Variants in L2HGDH observed in about 807,000 individuals in gnomAD.
L2HGDH encodes the protein L-2-hydroxyglutarate dehydrogenase, also known as L-2-hydroxyglutarate dehydrogenase, mitochondrial.
In L2HGDH, 34 loss-of-function variants were observed where a neutral mutation model predicts 51.5. The observed-to-expected ratio is 0.66, with a 90% CI of 0.50 to 0.88. The LOEUF (loss-of-function observed/expected upper bound fraction) is 0.88, where lower values mean the gene tolerates loss of function less well. Ranked by LOEUF, L2HGDH falls within the 40% of genes least tolerant of loss-of-function variation. L2HGDH has a pLI of 0.00. For synonymous variants in L2HGDH, 198 were observed against 197.9 expected, an observed-to-expected ratio of 1.00 and a Z score of -0.01; for missense variants, 558 against 571.9, an observed-to-expected ratio of 0.98 and a Z score of 0.25.
chr14:50,284,293 GT>G (rs1890442657), intron 4 of L2HGDH, among the ~76,000 whole-genome samples: 1 of 152,148 alleles, frequency 6.6e-6, no homozygotes, highest in African/African-American at 2.4e-5. Context: ...ATTTTTCCCA[GT>G]AGTATATACT....
At chr14:50,268,651 T>C (rs939232766) in intron 7 of L2HGDH, among the ~76,000 whole-genome samples, 4 of 152,170 alleles carry the variant, frequency 2.6e-5, no homozygotes, top group African/African-American at 9.7e-5. Flanking sequence ...AAATATCAAA[T>C]AGCCGAATAC....
intron 1 of L2HGDH, among the ~76,000 whole-genome samples, chr14:50,304,403 T>C (rs182513594): frequency 2.6e-5 from 4 of 152,326 alleles, no homozygotes; most frequent in Admixed American, 2.0e-4. Flanking sequence ...CTTTAACACT[T>C]TAGTGTGCAA....
At chr14:50,303,930 C>T (rs578237434) in intron 1 of L2HGDH, among the ~76,000 whole-genome samples, 20 of 151,732 alleles carry the variant, frequency 1.3e-4, no homozygotes, top group Admixed American at 1.2e-3. Flanking sequence ...CTCCATAGCA[C>T]GGCAGCCAGG....
At chr14:50,247,587 T>C (rs1888079911) in intron 9 of L2HGDH, among the ~76,000 whole-genome samples, 1 of 152,230 alleles carries the variant, frequency 6.6e-6, no homozygotes, top group African/African-American at 2.4e-5. Context: ...TTTATTTAAA[T>C]TTATAGAATG....
chr14:50,247,783 T>C (rs1209347018), intron 9 of L2HGDH, among the ~76,000 whole-genome samples: 1 of 152,238 alleles, frequency 6.6e-6, no homozygotes, highest in Non-Finnish European at 1.5e-5. Flanking sequence ...GTTCTTGTTT[T>C]GCAGTTTGTT....
At chr14:50,267,943 T>C in intron 7 of L2HGDH, 33 bp from the exon 8 acceptor site, 1 of 1,598,026 alleles carries the variant, frequency 6.3e-7, no homozygotes, top group Non-Finnish European at 8.6e-7. Context: ...AACAGCCTCA[T>C]TTCACATTCC....
intron 4 of L2HGDH, among the ~76,000 whole-genome samples, chr14:50,293,016 ACT>A (rs2029868094): frequency 1.3e-5 from 2 of 151,948 alleles, no homozygotes; most frequent in African/African-American, 4.8e-5. Flanking sequence ...ATATGGTGAG[ACT>A]CTGTCTCTTC....
intron 3 of L2HGDH, among the ~76,000 whole-genome samples, chr14:50,298,568 C>T (rs2139204262): frequency 6.6e-6 from 1 of 152,246 alleles, no homozygotes; most frequent in South Asian, 2.1e-4. Flanking sequence ...CCCGCCTCAG[C>T]CTCCCAAAGT....
intron 6 of L2HGDH, among the ~76,000 whole-genome samples, chr14:50,274,565 A>T (rs1889871963): frequency 6.6e-6 from 1 of 152,214 alleles, no homozygotes; most frequent in African/African-American, 2.4e-5. Flanking sequence ...AATTAAAAAT[A>T]GAACTACCAT....
In L2HGDH at chr14:50,302,012, C is replaced by T. The variant is rs936048949; in HGVS notation, c.408+5G>A. 1 of 1,613,850 alleles carries T rather than the reference C, an allele frequency of 6.2e-7. No homozygotes were observed. Among genetic ancestry groups the T allele is most frequent in the African/African-American group, 1.3e-5 (1 of 74,870 alleles). The stretch of plus-strand genomic sequence containing the variant: ...ATTAGTCAAGGCTCTAATAAAATGC[C>T]ATACCTTGCCACACTGCTTGTAGGA... On this transcript the variant is annotated splice_donor_5th_base_variant and intron_variant, in intron 3 of 9. Transcript: ENST00000267436.
Position 50,278,540 on chromosome 14 carries a change from T to C in L2HGDH, c.718A>G (p.Ile240Val). 2.0e-6 allele frequency: 3 copies of C among 1,484,496 alleles called. No individual in the cohort carries two copies. The highest frequency in any genetic ancestry group is 2.3e-5 in the East Asian group (1 of 43,762). 92.0% of individuals were successfully genotyped at this position (1,484,496 alleles called of 1,614,324 possible). ...SRSIDGMQYP[I>V]VIKNTKGEEI... Reference sequence around the variant, plus strand: ...TTTACCTTTGTATTCTTTATAACAATTGGATATTGCATTCCTGAAAAAAAA... The same window carrying C: ...TTTACCTTTGTATTCTTTATAACAACTGGATATTGCATTCCTGAAAAAAAA... Residue 240 changes from isoleucine to valine, a missense_variant, in exon 6 of 10, where the codon ATT (isoleucine) becomes GTT (valine). Coordinates refer to ENST00000267436, the MANE Select transcript of L2HGDH (RefSeq NM_024884.3).
chr14:50,302,031 T>G lies in L2HGDH; in HGVS notation c.394A>C (p.Lys132Gln). The G allele has an allele frequency of 1.9e-6, 3 of 1,614,118 alleles. No homozygotes were observed. Among genetic ancestry groups the G allele is most frequent in the Non-Finnish European group, 2.5e-6 (3 of 1,180,000 alleles). ...EYCQQKGISY[K>Q]QCGKLIVAVE... ...AAATGCCATACCTTGCCACACTGCTTGTAGGAAATTCCCTTTTGCTGACAG... is the reference window on the plus strand; with the variant it reads ...AAATGCCATACCTTGCCACACTGCTGGTAGGAAATTCCCTTTTGCTGACAG... Residue 132 changes from lysine (K) to glutamine (Q), a missense_variant, in exon 3 of 10, where the codon AAG becomes CAG. Transcript: ENST00000267436.
rs182973998 is a variant in L2HGDH, at chr14:50,300,581, G to A, written c.408+1436C>T. Among the ~76,000 whole-genome samples the A allele has an allele frequency of 2.1e-3, 317 of 152,230 alleles. 2 individuals carry two copies. Among genetic ancestry groups the A allele is most frequent in the South Asian group, 0.016 (76 of 4,820 alleles). ...AAGTGCTGAGATTACAGGCAGGCGT[G>A]AGCCACCCTGCCCGGCCCATAACGT... On this transcript the variant is annotated intron_variant, in intron 3 of 9. Coordinates refer to ENST00000267436, the MANE Select transcript of L2HGDH (RefSeq NM_024884.3).
At chr14:50,291,197 CAAAAAAAA>C (rs1159640500) in intron 4 of L2HGDH, among the ~76,000 whole-genome samples, 2 of 30,652 alleles carry the variant, frequency 6.5e-5, no homozygotes, top group Non-Finnish European at 1.4e-4. Flanking sequence ...GACTCCGTCT[CAAAAAAAA>C]AAAAAAAAAA....
intron 6 of L2HGDH, 88 bp from the exon 7 acceptor site, chr14:50,269,418 G>C (rs1421964386): frequency 7.7e-7 from 1 of 1,294,782 alleles, no homozygotes; most frequent in Non-Finnish European, 1.1e-6. Context: ...AAGAAAAAAA[G>C]GTACAGAAAT....
rs1056697073 is a variant in L2HGDH, at chr14:50,245,277, A to T, written c.*1781T>A. 8.7e-5 allele frequency: 86 copies of T among 984,918 alleles called. No individual in the cohort carries two copies. The highest frequency in any genetic ancestry group is 9.9e-5 in the Non-Finnish European group (82 of 829,562). The allele number at this position is 984,918 out of a possible 1,614,324, so 61.0% of individuals were successfully genotyped here. A position where few individuals can be genotyped will look rare whatever the true frequency, so the allele number is the denominator to read the frequency against. ...TAAAGATCAGAGATATAATAGATAA[A>T]TAACTTTTTTAAATTGGAGTTCTAT... On this transcript the variant is annotated 3_prime_UTR_variant, in exon 10 of 10. Coordinates refer to ENST00000267436, the MANE Select transcript of L2HGDH (RefSeq NM_024884.3).
Position 50,312,151 on chromosome 14 carries a change from C to A in L2HGDH, c.-1G>T. 1 of 1,609,812 alleles carries A rather than the reference C, an allele frequency of 6.2e-7. No homozygotes were observed. Among genetic ancestry groups the A allele is most frequent in the Non-Finnish European group, 8.5e-7 (1 of 1,179,230 alleles). ...CCAAATAACGCAGCGCTGGCACCAT[C>A]CCCTACGCACGCTCCCCTCCCTCAG... is the stretch of plus-strand genomic sequence containing the variant. On this transcript the variant is annotated 5_prime_UTR_variant, in exon 1 of 10. Transcript: ENST00000267436.
At chr14:50,296,515 C>T (rs1192256742) in intron 3 of L2HGDH, among the ~76,000 whole-genome samples, 1 of 145,740 alleles carries the variant, frequency 6.9e-6, no homozygotes, top group Non-Finnish European at 1.5e-5. Flanking sequence ...ATTAGAAAGA[C>T]ACAAACTTCT....
intron 9 of L2HGDH, among the ~76,000 whole-genome samples, chr14:50,251,522 G>T (rs1450404856): frequency 1.3e-5 from 2 of 151,994 alleles, no homozygotes; most frequent in Non-Finnish European, 2.9e-5. Context: ...AGTACAAGAA[G>T]ATTATAGAAC....
Sources: gnomAD v4.1 joint callset for allele counts (sites outside exome capture counted in the v4.1 genomes callset) on GRCh38, gnomAD v4.1.1 for gene constraint, MANE v1.5 for transcripts, NCBI Gene and HGNC (gene_info 2026-07-23, HGNC 2026-07-21) for gene names.